ADAM10: variants seen among roughly 807,000 people sequenced by gnomAD.
ADAM10 encodes the protein disintegrin and metalloproteinase domain-containing protein 10.
ADAM10 carries 17 observed loss-of-function variants against 90.1 expected under a neutral mutation model. The observed-to-expected ratio is 0.19, with a 90% CI of 0.13 to 0.28. The LOEUF (loss-of-function observed/expected upper bound fraction) is 0.28, where lower values mean the gene tolerates loss of function less well. Among genes scored for constraint, ADAM10 ranks in the 10% least tolerant of loss-of-function variants. The pLI, the probability that ADAM10 is intolerant of heterozygous loss-of-function variation, is 1.00. For synonymous variants in ADAM10, 310 were observed against 298.6 expected (o/e 1.04, Z -0.40); for missense variants, 610 against 914.3 (o/e 0.67, Z 4.29).
intron 1 of ADAM10, among the ~76,000 whole-genome samples, chr15:58,729,288 G>C (rs1236789868): frequency 6.6e-6 from 1 of 152,230 alleles, no homozygotes; most frequent in Non-Finnish European, 1.5e-5. Context: ...ACTGAGACTG[G>C]AAATTGTGTT....
At chr15:58,692,514 CTCA>C (rs1897851302) in intron 2 of ADAM10, 1 of 518,974 alleles carries the variant, frequency 1.9e-6, no homozygotes, top group Non-Finnish European at 3.9e-6. Flanking sequence ...CTTTCTCTTC[CTCA>C]TCATCACTGA....
intron 14 of ADAM10, chr15:58,610,022 C>T (rs1895394470): frequency 9.8e-6 from 4 of 409,758 alleles, no homozygotes; most frequent in Non-Finnish European, 8.8e-6. Context: ...ATAATATGCA[C>T]CAAAAGAAGT....
intron 9 of ADAM10, among the ~76,000 whole-genome samples, chr15:58,630,218 T>G (rs559862572): frequency 6.6e-6 from 1 of 152,208 alleles, no homozygotes; most frequent in Non-Finnish European, 1.5e-5. Context: ...CTTTTTGGTA[T>G]TATAAATAAA....
chr15:58,644,234 G>GA (rs1665467774), intron 6 of ADAM10, among the ~76,000 whole-genome samples: 4 of 133,562 alleles, frequency 3.0e-5, no homozygotes, highest in South Asian at 2.4e-4. Flanking sequence ...TTCTTTTTTT[G>GA]TTTTTTTTTT....
chr15:58,663,259 C>A (rs1360798825), intron 5 of ADAM10, among the ~76,000 whole-genome samples: 1 of 152,118 alleles, frequency 6.6e-6, no homozygotes, highest in African/African-American at 2.4e-5. Context: ...GGATGGTGAT[C>A]CAACTTCATC....
At chr15:58,655,721 A>ATACTATATATAGTG (rs1566982430) in intron 5 of ADAM10, among the ~76,000 whole-genome samples, 20 of 80,532 alleles carry the variant, frequency 2.5e-4, no homozygotes, top group African/African-American at 9.1e-4. Flanking sequence ...GTATATATAT[A>ATACTATATATAGTG]TATATATATA....
chr15:58,748,078 TAAA>T (rs1231375797), intron 1 of ADAM10: 1 of 152,214 alleles, frequency 6.6e-6, no homozygotes, highest in Non-Finnish European at 1.5e-5. Context: ...TTTTTAAAAC[TAAA>T]CATCTATTAT....
chr15:58,739,642 A>G (rs16940723), intron 1 of ADAM10, among the ~76,000 whole-genome samples: 7,622 of 152,308 alleles, frequency 0.05, 653 homozygotes, highest in African/African-American at 0.17. Flanking sequence ...ATCCATCTCC[A>G]AAGCTGTCAA....
intron 5 of ADAM10, among the ~76,000 whole-genome samples, chr15:58,663,855 T>A (rs1897022027): frequency 1.3e-5 from 2 of 152,134 alleles, no homozygotes; most frequent in South Asian, 4.1e-4. Context: ...GGTAGTCTAC[T>A]CGTGGTATAA....
At chr15:58,631,199 AATC>A (rs1896090806) in intron 9 of ADAM10, among the ~76,000 whole-genome samples, 1 of 152,186 alleles carries the variant, frequency 6.6e-6, no homozygotes, top group South Asian at 2.1e-4. Flanking sequence ...CAGCCTACAG[AATC>A]ATGAGCCAAA....
chr15:58,692,542 T>A (rs747382731), intron 2 of ADAM10: 3 of 532,514 alleles, frequency 5.6e-6, no homozygotes, highest in Non-Finnish European at 1.1e-5. Flanking sequence ...CTTCTCTGGT[T>A]CCTTCTCCAA....
intron 5 of ADAM10, among the ~76,000 whole-genome samples, chr15:58,653,872 A>G (rs1328145812): frequency 6.6e-6 from 1 of 152,232 alleles, no homozygotes; most frequent in East Asian, 1.9e-4. Context: ...ACTTTTTATT[A>G]CAGCTTCAAT....
intron 1 of ADAM10, among the ~76,000 whole-genome samples, chr15:58,742,689 T>C (rs1032157228): frequency 6.6e-6 from 1 of 152,348 alleles, no homozygotes; most frequent in Middle Eastern, 3.4e-3. Flanking sequence ...TTATAGTTTT[T>C]CCACTTGTCC....
intron 2 of ADAM10, among the ~76,000 whole-genome samples, chr15:58,696,697 T>G (rs1483200416): frequency 2.0e-5 from 3 of 152,034 alleles, no homozygotes; most frequent in Non-Finnish European, 4.4e-5. Context: ...ACTCCTGACC[T>G]CAGGTGATCC....
chr15:58,602,343 T>C (rs1448902529), intron 14 of ADAM10, among the ~76,000 whole-genome samples: 1 of 152,112 alleles, frequency 6.6e-6, no homozygotes, highest in Non-Finnish European at 1.5e-5. Context: ...ACCTTCCTCA[T>C]CCTACTTGCA....
intron 2 of ADAM10, chr15:58,692,909 C>A: frequency 2.9e-6 from 2 of 696,082 alleles, no homozygotes; most frequent in South Asian, 1.4e-5. Flanking sequence ...TTTATGAGAT[C>A]AGCCTTGGTC....
At chr15:58,684,784 T>TGC (rs1897541164) in intron 2 of ADAM10, among the ~76,000 whole-genome samples, 1 of 152,192 alleles carries the variant, frequency 6.6e-6, no homozygotes, top group Non-Finnish European at 1.5e-5. Flanking sequence ...TGGTCCGAAG[T>TGC]ACAGGTGGCG....
chr15:58,674,844 A>G (rs1464521568), intron 4 of ADAM10, among the ~76,000 whole-genome samples: 1 of 152,246 alleles, frequency 6.6e-6, no homozygotes, highest in Admixed American at 6.5e-5. Flanking sequence ...AAATAAGTAT[A>G]GGTATGGCTA....
chr15:58,617,108 CAAAAAATA>C (rs1200862730), intron 11 of ADAM10, among the ~76,000 whole-genome samples: 9 of 150,180 alleles, frequency 6.0e-5, no homozygotes, highest in South Asian at 4.2e-4. Flanking sequence ...GACTCCGTCT[CAAAAAATA>C]AAAAAATAAA....
Sources: allele counts gnomAD v4.1 joint callset (sites outside exome capture counted in the v4.1 genomes callset), GRCh38; gene constraint gnomAD v4.1.1; transcripts MANE v1.5; gene names NCBI Gene and HGNC (gene_info 2026-07-23, HGNC 2026-07-21).